Variants in FMO1 observed in about 807,000 individuals in gnomAD.
FMO1 encodes the protein flavin-containing monooxygenase 1.
FMO1 carries 36 observed loss-of-function variants against 45.4 expected under a neutral mutation model. The ratio of observed to expected loss-of-function variants is 0.79; its 90% CI spans 0.61 to 1.05. The LOEUF is 1.05. FMO1 is among the 50% of genes least tolerant of loss of function. FMO1 has a pLI of 0.00. For synonymous variants in FMO1, 228 were observed against 227.2 expected, an observed-to-expected ratio of 1.00 and a Z score of -0.03; for missense variants, 615 against 640.3, an observed-to-expected ratio of 0.96 and a Z score of 0.43.
chr1:171,279,089 C>CTTTTTTTTTTT (rs35698046), intron 5 of FMO1, among the ~76,000 whole-genome samples: 4 of 137,782 alleles, frequency 2.9e-5, no homozygotes, highest in African/African-American at 2.7e-5. Flanking sequence ...CTTCTTTTTA[C>CTTTTTTTTTTT]TTTTTTTTTT....
At chr1:171,282,904 T>C in intron 7 of FMO1, 1 of 400,834 alleles carries the variant, frequency 2.5e-6, no homozygotes, top group East Asian at 4.3e-5. Context: ...AAACTAGTTG[T>C]GAGATTCTGC....
At chr1:171,271,567 T>G in intron 3 of FMO1, 1 of 805,354 alleles carries the variant, frequency 1.2e-6, no homozygotes, top group Non-Finnish European at 2.2e-6. Context: ...CCTCTTGGCT[T>G]CTTAGAATCT....
At chr1:171,250,614 A>T (rs1474584637) in intron 1 of FMO1, among the ~76,000 whole-genome samples, 1 of 152,206 alleles carries the variant, frequency 6.6e-6, no homozygotes, top group Non-Finnish European at 1.5e-5. Context: ...ACAAAAAAGC[A>T]TAGTAGTTTC....
chr1:171,255,852 C>T (rs902733908), intron 1 of FMO1, among the ~76,000 whole-genome samples: 3 of 152,176 alleles, frequency 2.0e-5, no homozygotes, highest in Non-Finnish European at 4.4e-5. Flanking sequence ...CTTTATAGAG[C>T]CAGCATGCTT....
chr1:171,255,050 C>T (rs192247517), intron 1 of FMO1, among the ~76,000 whole-genome samples: 40 of 152,290 alleles, frequency 2.6e-4, no homozygotes, highest in East Asian at 2.1e-3. Context: ...ATAGAAACCA[C>T]GGAGTGTTTG....
intron 8 of FMO1, among the ~76,000 whole-genome samples, chr1:171,283,696 G>GA (rs35750843): frequency 6.6e-6 from 1 of 151,596 alleles, no homozygotes; most frequent in Non-Finnish European, 1.5e-5. Context: ...TAATTGGCTG[G>GA]AAAAAAGGAA....
Position 171,282,322 on chromosome 1 carries a change from G to A in FMO1, c.1172G>A (p.Arg391Gln), listed in dbSNP as rs1244606398. The A allele has an allele frequency of 1.3e-5, 21 of 1,608,452 alleles. No individual in the cohort carries two copies. The highest frequency in any genetic ancestry group is 1.1e-4 in the African/African-American group (8 of 74,678). Residue 391 changes from arginine (R) to glutamine (Q), a missense_variant, in exon 7 of 9, where the codon CGA becomes CAA. Arg to Gln is a conservative substitution (Grantham distance 43). Coordinates refer to ENST00000617670, the MANE Select transcript of FMO1 (RefSeq NM_001282693.2). ...TGETQARWAV[R>Q]VLKGVNKLPP... is the part of the protein sequence containing the mutation. ...GAAACACAAGCTCGGTGGGCTGTTC[G>A]AGTCCTGAAAGGTAAGTATAAGAAA... is the stretch of plus-strand genomic sequence containing the variant.
chr1:171,261,343 A>AC (rs59981493), intron 2 of FMO1, among the ~76,000 whole-genome samples: 1 of 151,964 alleles, frequency 6.6e-6, no homozygotes, highest in African/African-American at 2.4e-5. Flanking sequence ...ACACACACAC[A>AC]AAAGGTTAGA....
At chr1:171,253,354 C>T (rs933779752) in intron 1 of FMO1, among the ~76,000 whole-genome samples, 3 of 152,048 alleles carry the variant, frequency 2.0e-5, no homozygotes, top group Non-Finnish European at 2.9e-5. Flanking sequence ...AAATTAAACC[C>T]TCTACCTGCA....
intron 1 of FMO1, among the ~76,000 whole-genome samples, chr1:171,249,727 C>T (rs897051964): frequency 2.6e-5 from 4 of 151,456 alleles, no homozygotes; most frequent in African/African-American, 9.7e-5. Flanking sequence ...GAGAGAGAGA[C>T]AGAGGGAGTA....
chr1:171,280,652 T>C (rs1661309022), intron 5 of FMO1, 134 bp from the exon 6 acceptor site: 1 of 669,578 alleles, frequency 1.5e-6, no homozygotes, highest in Non-Finnish European at 2.6e-6. Context: ...ACCAAGACTA[T>C]CTTGTCAGGG....
intron 2 of FMO1, among the ~76,000 whole-genome samples, chr1:171,265,585 G>C (rs1016019702): frequency 6.6e-6 from 1 of 152,086 alleles, no homozygotes; most frequent in Non-Finnish European, 1.5e-5. Flanking sequence ...ATTGTTCTTT[G>C]AAAGTGGGTA....
intron 3 of FMO1, among the ~76,000 whole-genome samples, chr1:171,274,476 C>A (rs192535348): frequency 2.8e-4 from 42 of 151,944 alleles, no homozygotes; most frequent in Non-Finnish European, 2.9e-5. Flanking sequence ...GTTGCCCAGG[C>A]TACATATTTA....
At chr1:171,258,872 G>A (rs542432172) in intron 2 of FMO1, among the ~76,000 whole-genome samples, 3 of 152,112 alleles carry the variant, frequency 2.0e-5, no homozygotes, top group Admixed American at 1.3e-4. Flanking sequence ...GAGGAAAGGG[G>A]ACTATAAAGC....
At chr1:171,270,258 G>T (rs537601860) in intron 3 of FMO1, among the ~76,000 whole-genome samples, 1 of 152,266 alleles carries the variant, frequency 6.6e-6, no homozygotes, top group African/African-American at 2.4e-5. Context: ...AAATGTAAGT[G>T]GGCTATGTGA....
chr1:171,272,490 G>A (rs1660910112), intron 3 of FMO1, among the ~76,000 whole-genome samples: 1 of 152,124 alleles, frequency 6.6e-6, no homozygotes, highest in Non-Finnish European at 1.5e-5. Context: ...GCTTGCATGT[G>A]CCTGGAAAAG....
chr1:171,272,285 A>G (rs1396133728), intron 3 of FMO1, among the ~76,000 whole-genome samples: 3 of 152,254 alleles, frequency 2.0e-5, no homozygotes, highest in African/African-American at 7.2e-5. Context: ...CACAGGATGT[A>G]TGGAAATGCC....
At chr1:171,268,272 G>A (rs763316019) in intron 3 of FMO1, among the ~76,000 whole-genome samples, 8 of 152,070 alleles carry the variant, frequency 5.3e-5, no homozygotes, top group South Asian at 2.1e-4. Context: ...ATTTTTTAGC[G>A]ATGGGGTCTC....
intron 6 of FMO1, 52 bp from the exon 7 acceptor site, chr1:171,281,926 C>T: frequency 9.4e-7 from 1 of 1,058,306 alleles, no homozygotes; most frequent in Non-Finnish European, 1.4e-6. Flanking sequence ...GAAGGGAGAG[C>T]TGGCTGAATT....
Sources: gnomAD v4.1 joint callset for allele counts (sites outside exome capture counted in the v4.1 genomes callset) on GRCh38, gnomAD v4.1.1 for gene constraint, MANE v1.5 for transcripts, NCBI Gene and HGNC (gene_info 2026-07-23, HGNC 2026-07-21) for gene names.